CEACAM7: variants seen among roughly 807,000 people sequenced by gnomAD.
The protein encoded by CEACAM7 is cell adhesion molecule CEACAM7.
In CEACAM7, 24 loss-of-function variants were observed where a neutral mutation model predicts 25.7. The observed-to-expected ratio is 0.93, with a 90% confidence interval of 0.68 to 1.31. The LOEUF is 1.31. CEACAM7 is among the 40% of genes most tolerant of loss of function. The pLI is 0.00. For missense variants in CEACAM7, 324 were observed against 330.1 expected, an observed-to-expected ratio of 0.98 and a Z score of 0.14; for synonymous variants, 144 against 129.4, an observed-to-expected ratio of 1.11 and a Z score of -0.77.
chr19:41,680,020 A>G (rs1745025392), intron 3 of CEACAM7, among the ~76,000 whole-genome samples: 1 of 119,872 alleles, frequency 8.3e-6, no homozygotes, highest in Non-Finnish European at 1.6e-5. Flanking sequence ...GGGTTTCACC[A>G]TATTGGTCAG....
rs111534806 is a variant in CEACAM7, at chr19:41,683,788, G to A, written c.703C>T (p.Arg235Cys). 2.3e-4 allele frequency: 376 copies of A among 1,613,900 alleles called. No homozygotes were observed. Among genetic ancestry groups the A allele is most frequent in the Non-Finnish European group, 3.0e-4 (357 of 1,179,902 alleles). Reference sequence around the variant, plus strand: ...CAGAGGAACAGAAGATACTCACAGCGGACATTCAGGGTGACTGGGTCACTG... The same window carrying A: ...CAGAGGAACAGAAGATACTCACAGCAGACATTCAGGGTGACTGGGTCACTG... Reference protein sequence around the residue: ...SRSDPVTLNVRYESVQASSPD... With the variant: ...SRSDPVTLNVCYESVQASSPD... Residue 235 changes from arginine to cysteine, a missense_variant, in exon 3 of 5, where the codon CGC becomes TGC. By Grantham distance (180) the Arg-to-Cys change is radical. Transcript: ENST00000401731.
In CEACAM7 at chr19:41,680,536, T is replaced by C. The variant is rs371578501; in HGVS notation, c.707-3033A>G. 5.9e-5 allele frequency among the ~76,000 whole-genome samples: 9 copies of C among 152,208 alleles called. No individual in the cohort carries two copies. The East Asian group carries it at 1.5e-3, about 26-fold the overall frequency. On this transcript the variant is annotated intron_variant, in intron 3 of 4. Transcript: ENST00000401731. ...TACAAAGCCACAGTAATCAACACAG[T>C]GTGGTACTGGCATAAAGGAATACAT...
Position 41,687,071 on chromosome 19 carries a change from C to A in CEACAM7, c.215G>T (p.Arg72Met). The A allele has an allele frequency of 6.2e-7, 1 of 1,614,086 alleles. No homozygotes were observed. The highest frequency in any genetic ancestry group is 8.5e-7 in the Non-Finnish European group (1 of 1,180,016). Reference sequence around the variant, plus strand: ...TATAATTCGATAGTTGGCATGCACCCTTTCCCCTTTGTACCAGTTGTAGCC... The same window carrying A: ...TATAATTCGATAGTTGGCATGCACCATTTCCCCTTTGTACCAGTTGTAGCC... ...LYGYNWYKGERVHANYRIIGY... is the reference protein window; with the variant it reads ...LYGYNWYKGEMVHANYRIIGY... Residue 72 changes from arginine to methionine, a missense_variant, in exon 2 of 5, where the codon AGG (arginine) becomes ATG (methionine). Coordinates refer to ENST00000401731, the MANE Select transcript of CEACAM7 (RefSeq NM_001291485.2).
chr19:41,684,981 T>C lies in CEACAM7; in HGVS notation c.428-918A>G, dbSNP rs117470042. ...ATGCCAGTGGCTGGTGCAGTTCCCATTCCAAGGGACCCCACCTTATGACAA... is the reference window on the plus strand; with the variant it reads ...ATGCCAGTGGCTGGTGCAGTTCCCACTCCAAGGGACCCCACCTTATGACAA... On this transcript the variant is annotated intron_variant, in intron 2 of 4. Transcript: ENST00000401731. Among the ~76,000 whole-genome samples, 165 of 152,312 alleles carry C rather than the reference T, an allele frequency of 1.1e-3. 2 individuals carry two copies. In the East Asian group the frequency reaches 0.023, roughly 21 times the overall value.
At chr19:41,687,258 C>T (rs1555811337) in intron 1 of CEACAM7, 37 bp from the exon 2 acceptor site, 1 of 1,549,136 alleles carries the variant, frequency 6.5e-7, no homozygotes, top group Non-Finnish European at 8.7e-7. Context: ...ATATTGGGAC[C>T]TATGTATTGG....
At chr19:41,687,985 C>A in intron 1 of CEACAM7, 117 bp downstream of exon 1, 1 of 758,520 alleles carries the variant, frequency 1.3e-6, no homozygotes, top group Middle Eastern at 2.5e-4. Flanking sequence ...GGTGTCCTCT[C>A]CCAAAGGACT....
Position 41,687,160 on chromosome 19 carries a change from C to G in CEACAM7, c.126G>C (p.Pro42=). 1 of 1,613,874 alleles carries G rather than the reference C, an allele frequency of 6.2e-7. No individual in the cohort carries two copies. The highest frequency in any genetic ancestry group is 8.5e-7 in the Non-Finnish European group (1 of 1,179,880). ...NSAQTNIDVV[P]FNVAEGKEVL... is the part of the protein sequence containing the mutation. Reference sequence around the variant, plus strand: ...CCTCCTTCCCTTCTGCGACATTGAACGGCACGACATCAATATTGGTCTGGG... The same window carrying G: ...CCTCCTTCCCTTCTGCGACATTGAAGGGCACGACATCAATATTGGTCTGGG... The change falls in exon 2 of 5, where the codon CCG becomes CCC. Residue 42 remains proline, a synonymous_variant. Transcript: ENST00000401731.
Position 41,683,930 on chromosome 19 carries a change from C to T in CEACAM7, c.561G>A (p.Leu187=), listed in dbSNP as rs2072201022. 6.2e-7 allele frequency: 1 copy of T among 1,614,172 alleles called. No homozygotes were observed. Among genetic ancestry groups the T allele is most frequent in the Non-Finnish European group, 8.5e-7 (1 of 1,180,022 alleles). ...YLWWVNNQSL[L]VSPRLLLSTD... ...TGGAGAGCAGCAGCCTGGGACTGAC[C>T]AGGAGGCTCTGATTGTTTACCCACC... The change falls in exon 3 of 5, where the codon CTG becomes CTA. Residue 187 remains leucine (L), a synonymous_variant. Coordinates refer to ENST00000401731, the MANE Select transcript of CEACAM7 (RefSeq NM_001291485.2).
At chr19:41,675,717 A>T (rs2072107188) in intron 4 of CEACAM7, among the ~76,000 whole-genome samples, 1 of 152,252 alleles carries the variant, frequency 6.6e-6, no homozygotes, top group African/African-American at 2.4e-5. Context: ...GGCAATGGTT[A>T]AAAATCTGAT....
At chr19:41,686,819 C>G in intron 2 of CEACAM7, 40 bp downstream of exon 2, 1 of 1,513,482 alleles carries the variant, frequency 6.6e-7, no homozygotes. Flanking sequence ...TGAAGTAGAA[C>G]TGGCCCCCAG....
At chr19:41,677,350 A>G (rs1555810210) in intron 4 of CEACAM7, 26 bp downstream of exon 4, 3 of 1,256,074 alleles carry the variant, frequency 2.4e-6, no homozygotes, top group African/African-American at 1.5e-5. Context: ...AGGAAATAGG[A>G]TAAGAGGAAA....
chr19:41,683,804 T>A lies in CEACAM7; in HGVS notation c.687A>T (p.Pro229=), dbSNP rs1568688180. 1 of 1,614,168 alleles carries A rather than the reference T, an allele frequency of 6.2e-7. No individual in the cohort carries two copies. Among genetic ancestry groups the A allele is most frequent in the Non-Finnish European group, 8.5e-7 (1 of 1,180,008 alleles). ...ACTCACAGCGGACATTCAGGGTGACTGGGTCACTGCGGCTGGCACCCACTG... is the reference window on the plus strand; with the variant it reads ...ACTCACAGCGGACATTCAGGGTGACAGGGTCACTGCGGCTGGCACCCACTG... ...QNPVGASRSD[P]VTLNVRYESV... is the part of the protein sequence containing the mutation. The change falls in exon 3 of 5, where the codon CCA becomes CCT. Residue 229 remains proline (P), a synonymous_variant. Coordinates refer to ENST00000401731, the MANE Select transcript of CEACAM7 (RefSeq NM_001291485.2).
At chr19:41,682,882 C>T (rs1380881481) in intron 3 of CEACAM7, among the ~76,000 whole-genome samples, 1 of 152,232 alleles carries the variant, frequency 6.6e-6, no homozygotes, top group African/African-American at 2.4e-5. Flanking sequence ...CTGTGAAGCT[C>T]TTTCCACTAC....
intron 3 of CEACAM7, among the ~76,000 whole-genome samples, chr19:41,681,838 G>A (rs1555810723): frequency 6.6e-6 from 1 of 152,228 alleles, no homozygotes. Context: ...AGAAGGAGTG[G>A]AGAGTTACTG....
Position 41,673,920 on chromosome 19 carries a change from G to C in CEACAM7, c.*856C>G, listed in dbSNP as rs2072088977. On this transcript the variant is annotated 3_prime_UTR_variant, in exon 5 of 5. Coordinates refer to ENST00000401731, the MANE Select transcript of CEACAM7 (RefSeq NM_001291485.2). ...GTGACAATCAGGAGGATCACACCAA[G>C]AGTTTGAAGTATGATCCATAGGCAG... 1 of 152,184 alleles carries C rather than the reference G, an allele frequency of 6.6e-6. No homozygotes were observed. Among genetic ancestry groups the C allele is most frequent in the African/African-American group, 2.4e-5 (1 of 41,434 alleles). The allele number at this position is 152,184 out of a possible 1,614,324, so 9.4% of individuals were successfully genotyped here.
At chr19:41,684,918 T>A (rs1007972828) in intron 2 of CEACAM7, among the ~76,000 whole-genome samples, 4 of 152,222 alleles carry the variant, frequency 2.6e-5, no homozygotes, top group Non-Finnish European at 4.4e-5. Flanking sequence ...AACAAGAGTT[T>A]GATCAAATTC....
At position 41,688,125 on chromosome 19, in the gene CEACAM7, G is replaced by A. The variant is rs781807521; in HGVS notation, c.41C>T (p.Pro14Leu). 1.9e-6 allele frequency: 3 copies of A among 1,611,698 alleles called. No homozygotes were observed. The highest frequency in any genetic ancestry group is 1.1e-5 in the South Asian group (1 of 90,878). The change falls in exon 1 of 5, where the codon CCC (proline) becomes CTC (leucine). Residue 14 changes from proline (P) to leucine (L), a missense_variant. Coordinates refer to ENST00000401731, the MANE Select transcript of CEACAM7 (RefSeq NM_001291485.2). The part of the protein sequence containing the change: ...PSACPYRVCI[P>L]WQGLLLTASL... ...ACCTGTGAGCAGGAGCCCCTGCCAG[G>A]GAATGCACACTCTGTATGGACAGGC... is the stretch of plus-strand genomic sequence containing the variant.
intron 3 of CEACAM7, 128 bp from the exon 4 acceptor site, chr19:41,677,631 G>T (rs1199450476): frequency 4.9e-6 from 3 of 610,536 alleles, no homozygotes; most frequent in Non-Finnish European, 8.6e-6. Flanking sequence ...TTTGTGGGAA[G>T]GTTGCTGGGA....
At position 41,683,777 on chromosome 19, in the gene CEACAM7, A is replaced by G; in HGVS notation, c.706+8T>C. On this transcript the variant is annotated splice_region_variant and intron_variant, in intron 3 of 4. Coordinates refer to ENST00000401731, the MANE Select transcript of CEACAM7 (RefSeq NM_001291485.2). ...AGCCTGGGCCACAGAGGAACAGAAG[A>G]TACTCACAGCGGACATTCAGGGTGA... 1 of 1,613,792 alleles carries G rather than the reference A, an allele frequency of 6.2e-7. No homozygotes were observed. The highest frequency in any genetic ancestry group is 8.5e-7 in the Non-Finnish European group (1 of 1,179,748).
Sources: allele counts gnomAD v4.1 joint callset (sites outside exome capture counted in the v4.1 genomes callset), GRCh38; gene constraint gnomAD v4.1.1; transcripts MANE v1.5; gene names NCBI Gene and HGNC (gene_info 2026-07-23, HGNC 2026-07-21).